FAM83F: variants seen among roughly 807,000 people sequenced by gnomAD.
FAM83F encodes protein FAM83F.
FAM83F carries 45 observed loss-of-function variants against 42.9 expected under a neutral mutation model. That is an observed-to-expected ratio of 1.05 (90% CI 0.83 to 1.35). FAM83F has a LOEUF of 1.35. FAM83F is among the 40% of genes most tolerant of loss of function. FAM83F has a pLI of 0.00. For synonymous variants in FAM83F, 306 were observed against 298.3 expected (o/e 1.03, Z -0.27); for missense variants, 617 against 695.9 (o/e 0.89, Z 1.28).
At chr22:40,005,938 G>A (rs1321671375) in intron 1 of FAM83F, among the ~76,000 whole-genome samples, 1 of 152,220 alleles carries the variant, frequency 6.6e-6, no homozygotes, top group Non-Finnish European at 1.5e-5. Context: ...GCCTCCAAGT[G>A]GGGAACAAGA....
At chr22:40,012,954 G>T (rs1206092576) in intron 1 of FAM83F, among the ~76,000 whole-genome samples, 2 of 150,686 alleles carry the variant, frequency 1.3e-5, no homozygotes. Flanking sequence ...ATGGTGACGG[G>T]CACCTGTAGT....
chr22:40,014,765 C>G (rs2067485172), intron 1 of FAM83F, among the ~76,000 whole-genome samples: 1 of 152,112 alleles, frequency 6.6e-6, no homozygotes, highest in African/African-American at 2.4e-5. Flanking sequence ...CCTGAAGTAC[C>G]TCCCAGCAAT....
At position 39,995,245 on chromosome 22, in the gene FAM83F, G is replaced by C; in HGVS notation, c.203G>C (p.Arg68Pro). Residue 68 changes from arginine (R) to proline (P), a missense_variant, in exon 1 of 5, where the codon CGG becomes CCG. Transcript: ENST00000333407. This position sits in a 1 kb window ranked among gnomAD's most constrained non-coding sequence, Gnocchi z 4.6. ...TCCAGCCCGGAGCGCCAGGCCCTGC[G>C]GGCCGCCTGGAGCCCCTACGAGGAC... ...FLSSPERQALRAAWSPYEDAV... is the reference protein window; with the variant it reads ...FLSSPERQALPAAWSPYEDAV... The C allele has an allele frequency of 6.5e-7, 1 of 1,534,436 alleles. No individual in the cohort carries two copies. Among genetic ancestry groups the C allele is most frequent in the Non-Finnish European group, 8.7e-7 (1 of 1,145,772 alleles).
intron 2 of FAM83F, 78 bp downstream of exon 2, chr22:40,019,413 C>G: frequency 2.2e-6 from 3 of 1,379,250 alleles, no homozygotes; most frequent in Admixed American, 1.9e-5. Flanking sequence ...CAGCTCCCCC[C>G]TGCCTCTTCC....
At position 40,034,700 on chromosome 22, in the gene FAM83F, T is replaced by C. The variant is rs1004849841; in HGVS notation, c.*5135T>C. 2.0e-5 allele frequency: 3 copies of C among 152,254 alleles called. No individual in the cohort carries two copies. Among genetic ancestry groups the C allele is most frequent in the Non-Finnish European group, 2.9e-5 (2 of 68,048 alleles). 9.4% of individuals were successfully genotyped at this position (152,254 alleles called of 1,614,324 possible). On this transcript the variant is annotated 3_prime_UTR_variant, in exon 5 of 5. Transcript: ENST00000333407. The stretch of plus-strand genomic sequence containing the variant: ...AAATGATTGAAGACTTGACTGCCAT[T>C]CAGTACAGAGAATTAGCCAGGTGAA...
At chr22:40,020,441 C>T (rs1375883967) in intron 3 of FAM83F, among the ~76,000 whole-genome samples, 2 of 149,104 alleles carry the variant, frequency 1.3e-5, no homozygotes, top group Non-Finnish European at 3.0e-5. Flanking sequence ...CGGCTCACTG[C>T]AACCTCTGCC....
At position 39,995,622 on chromosome 22, in the gene FAM83F, C is replaced by T. The variant is rs975188040; in HGVS notation, c.489+91C>T. On this transcript the variant is annotated intron_variant, in intron 1 of 4. Transcript: ENST00000333407. The surrounding 1 kb of genome is among the most constrained non-coding windows in gnomAD (Gnocchi z 4.6). ...CCTCCCAGGCAGGGCCCGGGGCAGG[C>T]CGCCCTGAGCACCCTCTGGAAAATG... is the stretch of plus-strand genomic sequence containing the variant. 6.7e-5 allele frequency: 97 copies of T among 1,437,448 alleles called. No individual in the cohort carries two copies. Among genetic ancestry groups the T allele is most frequent in the Non-Finnish European group, 8.2e-5 (90 of 1,096,752 alleles). 89.0% of individuals were successfully genotyped at this position (1,437,448 alleles called of 1,614,324 possible). A position where few individuals can be genotyped will look rare whatever the true frequency, so the allele number is the denominator to read the frequency against.
rs545013393 is a variant in FAM83F, at chr22:40,040,479, T to C, written c.*10914T>C. ...ATTAACCATAATCCTGGTTCTCTTG[T>C]GAGCTGCCTCCTGTGTGTCTAGCAT... is the stretch of plus-strand genomic sequence containing the variant. On this transcript the variant is annotated 3_prime_UTR_variant, in exon 5 of 5. Transcript: ENST00000333407. The C allele has an allele frequency of 6.6e-6, 1 of 152,340 alleles. No individual in the cohort carries two copies. The highest frequency in any genetic ancestry group is 1.5e-5 in the Non-Finnish European group (1 of 68,050). The allele number at this position is 152,340 out of a possible 1,614,324, so 9.4% of individuals were successfully genotyped here. A position where few individuals can be genotyped will look rare whatever the true frequency, so the allele number is the denominator to read the frequency against.
At chr22:39,999,858 C>T (rs376131782) in intron 1 of FAM83F, among the ~76,000 whole-genome samples, 100 of 152,326 alleles carry the variant, frequency 6.6e-4, no homozygotes, top group African/African-American at 2.4e-3. Flanking sequence ...CTCTGCCTGT[C>T]GATGGGTTTG....
intron 1 of FAM83F, among the ~76,000 whole-genome samples, chr22:40,014,731 A>C (rs1249137883): frequency 6.6e-6 from 1 of 152,104 alleles, no homozygotes; most frequent in African/African-American, 2.4e-5. Context: ...GTCTTTTTAA[A>C]CAGCCGGTTT....
Position 40,023,652 on chromosome 22 carries a change from G to A in FAM83F, c.1453+1689G>A, listed in dbSNP as rs1458356484. Among the ~76,000 whole-genome samples, 6 of 152,156 alleles carry A rather than the reference G, an allele frequency of 3.9e-5. No homozygotes were observed. Among genetic ancestry groups the A allele is most frequent in the Non-Finnish European group, 5.9e-5 (4 of 68,006 alleles). On this transcript the variant is annotated intron_variant, in intron 4 of 4. Coordinates refer to ENST00000333407, the MANE Select transcript of FAM83F (RefSeq NM_138435.4). The surrounding 1 kb of genome is among the most constrained non-coding windows in gnomAD (Gnocchi z 4.1). ...TCCATGTCCCTGCTCCCACATCTCGGGTGGTCACGGCGGCCCTGCCCCTGC... is the reference window on the plus strand; with the variant it reads ...TCCATGTCCCTGCTCCCACATCTCGAGTGGTCACGGCGGCCCTGCCCCTGC...
rs117980494 is a variant in FAM83F, at chr22:40,001,304, G to A, written c.489+5773G>A. 4.6e-3 allele frequency among the ~76,000 whole-genome samples: 693 copies of A among 152,232 alleles called. 18 individuals carry two copies. The East Asian group carries it at 0.083, about 18-fold the overall frequency. On this transcript the variant is annotated intron_variant, in intron 1 of 4. Coordinates refer to ENST00000333407, the MANE Select transcript of FAM83F (RefSeq NM_138435.4). ...ATCACCTCCCTCTCTAAAGCTCCTG[G>A]CTGATAAAATGGGGAAGATAATACT...
chr22:40,029,044 A>G (rs1230624264), intron 4 of FAM83F, among the ~76,000 whole-genome samples: 1 of 147,592 alleles, frequency 6.8e-6, no homozygotes, highest in Non-Finnish European at 1.5e-5. Flanking sequence ...GTGGAGCTGC[A>G]TGTACTAGCT....
rs1279877006 is a variant in FAM83F, at chr22:40,023,318, C to T, written c.1453+1355C>T. On this transcript the variant is annotated intron_variant, in intron 4 of 4. Coordinates refer to ENST00000333407, the MANE Select transcript of FAM83F (RefSeq NM_138435.4). The surrounding 1 kb of genome is among the most constrained non-coding windows in gnomAD (Gnocchi z 4.1). ...GGGGTGGCTGGCCCCATCCCCATTC[C>T]TCCTGGGCTCCCTGGCTCCCCTAAC... Among the ~76,000 whole-genome samples, 1 of 151,914 alleles carries T rather than the reference C, an allele frequency of 6.6e-6. No individual in the cohort carries two copies. The highest frequency in any genetic ancestry group is 1.5e-5 in the Non-Finnish European group (1 of 67,974).
At chr22:40,019,106 C>A in intron 1 of FAM83F, 62 bp from the exon 2 acceptor site, 1 of 1,582,794 alleles carries the variant, frequency 6.3e-7, no homozygotes, top group Non-Finnish European at 8.6e-7. Flanking sequence ...ACCATCTGAG[C>A]AGGGCATGCC....
chr22:40,020,117 A>G (rs531748089), intron 3 of FAM83F, 109 bp downstream of exon 3: 3 of 1,430,738 alleles, frequency 2.1e-6, no homozygotes, highest in African/African-American at 1.5e-5. Flanking sequence ...AACAGGGATC[A>G]TCTGACGCAA....
In FAM83F at chr22:40,041,653, C is replaced by G. The variant is rs144084962; in HGVS notation, c.*12088C>G. ...AAGCCGCAGTTCTGGGTGATGAGAG[C>G]TCTGAGAGCCCAGAAAAGACCCTGA... On this transcript the variant is annotated 3_prime_UTR_variant, in exon 5 of 5. Coordinates refer to ENST00000333407, the MANE Select transcript of FAM83F (RefSeq NM_138435.4). The G allele has an allele frequency of 6.6e-6, 1 of 152,180 alleles. No individual in the cohort carries two copies. The highest frequency in any genetic ancestry group is 2.4e-5 in the African/African-American group (1 of 41,450). 9.4% of individuals were successfully genotyped at this position (152,180 alleles called of 1,614,324 possible). A position where few individuals can be genotyped will look rare whatever the true frequency, so the allele number is the denominator to read the frequency against.
rs1032536203 is a variant in FAM83F at position 40,037,479 on chromosome 22, TCTGGCCTAGGA to T, written c.*7916_*7926del. ...GTCCTCAAGCCTGGGCTTGCTGACC[TCTGGCCTAGGA>T]CACCTCTCCTTTATGCCTCCGCTCC... On this transcript the variant is annotated 3_prime_UTR_variant, in exon 5 of 5. Coordinates refer to ENST00000333407, the MANE Select transcript of FAM83F (RefSeq NM_138435.4). The T allele has an allele frequency of 3.9e-5, 6 of 152,282 alleles. No homozygotes were observed. Among genetic ancestry groups the T allele is most frequent in the Admixed American group, 3.3e-4 (5 of 15,286 alleles). 9.4% of individuals were successfully genotyped at this position (152,282 alleles called of 1,614,324 possible).
chr22:40,035,427 T>G lies in FAM83F; in HGVS notation c.*5862T>G, dbSNP rs1460943051. 1 of 152,232 alleles carries G rather than the reference T, an allele frequency of 6.6e-6. No homozygotes were observed. The highest frequency in any genetic ancestry group is 1.5e-5 in the Non-Finnish European group (1 of 68,092). The allele number at this position is 152,232 out of a possible 1,614,324, so 9.4% of individuals were successfully genotyped here. On this transcript the variant is annotated 3_prime_UTR_variant, in exon 5 of 5. Coordinates refer to ENST00000333407, the MANE Select transcript of FAM83F (RefSeq NM_138435.4). Reference sequence around the variant, plus strand: ...CTTATTTCCTGCTCGCAGCTTTGACTCTCTGCCTCATCTCTTCCTGGAAGT... The same window carrying G: ...CTTATTTCCTGCTCGCAGCTTTGACGCTCTGCCTCATCTCTTCCTGGAAGT...
Sources: allele counts gnomAD v4.1 joint callset (sites outside exome capture counted in the v4.1 genomes callset), GRCh38; gene constraint gnomAD v4.1.1; non-coding constraint Gnocchi (gnomAD v3.1); transcripts MANE v1.5; gene names NCBI Gene and HGNC (gene_info 2026-07-23, HGNC 2026-07-21).